The following THSD4 variants were observed in gnomAD, a reference collection of about 807,000 sequenced individuals.
THSD4 encodes thrombospondin type-1 domain-containing protein 4.
A neutral mutation model predicts 119.0 loss-of-function variants in THSD4; 69 were observed. The observed-to-expected ratio is 0.58, with a 90% CI of 0.48 to 0.71. The LOEUF is 0.71. Among genes scored for constraint, THSD4 ranks in the 30% least tolerant of loss-of-function variants. The probability of loss-of-function intolerance (pLI) is 0.00; values close to 1 mark genes in which losing one functional copy is unlikely to be tolerated. For missense variants in THSD4, 1,393 were observed against 1,391.1 expected, an observed-to-expected ratio of 1.00 and a Z score of -0.02; for synonymous variants, 524 against 540.4, an observed-to-expected ratio of 0.97 and a Z score of 0.42.
chr15:71,581,220 C>T (rs1951901205), intron 7 of THSD4, among the ~76,000 whole-genome samples: 1 of 152,130 alleles, frequency 6.6e-6, no homozygotes, highest in African/African-American at 2.4e-5. Context: ...CTCACCAACA[C>T]TTAATCTTTT....
chr15:71,482,555 G>A (rs2047749818), intron 7 of THSD4, among the ~76,000 whole-genome samples: 1 of 151,634 alleles, frequency 6.6e-6, no homozygotes, highest in Non-Finnish European at 1.5e-5. Context: ...CTCCCAAAGT[G>A]CTGGGATTAT....
At chr15:71,310,416 C>T (rs758196060) in intron 6 of THSD4, among the ~76,000 whole-genome samples, 4 of 152,090 alleles carry the variant, frequency 2.6e-5, no homozygotes, top group Admixed American at 6.5e-5. Context: ...CCCTTCAGAA[C>T]GAAGACCTAA....
At chr15:71,534,665 G>T (rs959514596) in intron 7 of THSD4, among the ~76,000 whole-genome samples, 13 of 151,838 alleles carry the variant, frequency 8.6e-5, no homozygotes, top group Non-Finnish European at 2.9e-5. Context: ...GGCATTTTAT[G>T]GCCTACTTTT....
chr15:71,592,740 G>C (rs1369985769), intron 7 of THSD4, among the ~76,000 whole-genome samples: 2 of 152,046 alleles, frequency 1.3e-5, no homozygotes, highest in Admixed American at 1.3e-4. Context: ...TCTAGGTTGA[G>C]AACAGCATGC....
intron 7 of THSD4, among the ~76,000 whole-genome samples, chr15:71,651,702 A>G (rs1352963883): frequency 1.3e-5 from 2 of 152,202 alleles, no homozygotes; most frequent in African/African-American, 4.8e-5. Context: ...TGCCTTAACA[A>G]CATGGCAGAA....
chr15:71,330,076 C>T (rs989350039), intron 6 of THSD4, among the ~76,000 whole-genome samples: 12 of 148,778 alleles, frequency 8.1e-5, no homozygotes, highest in Non-Finnish European at 1.6e-4. Flanking sequence ...AGCAAGACCT[C>T]GTCTCCAAAG....
At position 71,580,199 on chromosome 15, in the gene THSD4, A is replaced by G. The variant is rs140053624; in HGVS notation, c.1153-80331A>G. ...ATGGGCATGGTGACCTGCGAGCTGG[A>G]CTTGAAACGCTAGAGAGATATGGAG... is the stretch of plus-strand genomic sequence containing the variant. On this transcript the variant is annotated intron_variant, in intron 7 of 17. Coordinates refer to ENST00000261862, the MANE Select transcript of THSD4 (RefSeq NM_024817.3). 6.6e-3 allele frequency among the ~76,000 whole-genome samples: 1,000 copies of G among 152,230 alleles called. 7 individuals are homozygous for G. The highest frequency in any genetic ancestry group is 0.01 in the Non-Finnish European group (687 of 68,006).
At chr15:71,731,959 T>A (rs1367965545) in intron 10 of THSD4, 5 of 152,382 alleles carry the variant, frequency 3.3e-5, no homozygotes, top group African/African-American at 1.2e-4. Context: ...CCTGCCTTCC[T>A]TGGTTCCTGG....
intron 1 of THSD4, among the ~76,000 whole-genome samples, chr15:71,123,836 C>T (rs755685948): frequency 9.9e-5 from 15 of 152,220 alleles, no homozygotes; most frequent in Non-Finnish European, 2.1e-4. Flanking sequence ...TCAGATCTCT[C>T]ATAATTCAGA....
rs1192366482 is a variant in THSD4 at position 71,420,803 on chromosome 15, T to A, written c.1152+8980T>A. Among the ~76,000 whole-genome samples the A allele has an allele frequency of 6.5e-5, 7 of 107,288 alleles. 3 individuals are homozygous for A. Among genetic ancestry groups the A allele is most frequent in the Non-Finnish European group, 1.4e-4 (7 of 49,184 alleles). 70.4% of individuals were successfully genotyped at this position (107,288 alleles called of 152,430 possible). ...CCTTGCTTTTTAACATTTTGTTGTT[T>A]CTATTTATATCTTATTGTACTGTCT... is the stretch of plus-strand genomic sequence containing the variant. On this transcript the variant is annotated intron_variant, in intron 7 of 17. Coordinates refer to ENST00000261862, the MANE Select transcript of THSD4 (RefSeq NM_024817.3).
intron 14 of THSD4, among the ~76,000 whole-genome samples, chr15:71,752,675 G>GT (rs1351738778): frequency 4.6e-5 from 7 of 152,304 alleles, no homozygotes; most frequent in South Asian, 2.1e-4. Context: ...CCGAGCTTCA[G>GT]TTTTTTCAAC....
chr15:71,505,754 A>G (rs2048176066), intron 7 of THSD4, among the ~76,000 whole-genome samples: 1 of 152,196 alleles, frequency 6.6e-6, no homozygotes, highest in African/African-American at 2.4e-5. Context: ...TGCAACAGGA[A>G]AGTCCTGTAA....
intron 7 of THSD4, among the ~76,000 whole-genome samples, chr15:71,445,986 G>A (rs1482563162): frequency 6.6e-6 from 1 of 152,194 alleles, no homozygotes; most frequent in African/African-American, 2.4e-5. Context: ...TTGTCTAACA[G>A]GGACTTCAAA....
At chr15:71,719,122 C>T (rs2052666156) in intron 8 of THSD4, among the ~76,000 whole-genome samples, 1 of 152,154 alleles carries the variant, frequency 6.6e-6, no homozygotes, top group Non-Finnish European at 1.5e-5. Context: ...ATAAATCAAA[C>T]CTTCTAACAT....
chr15:71,546,333 A>G (rs1471875429), intron 7 of THSD4, among the ~76,000 whole-genome samples: 1 of 152,030 alleles, frequency 6.6e-6, no homozygotes, highest in Admixed American at 6.6e-5. Flanking sequence ...GGCAGAATAC[A>G]GTACTTGATG....
chr15:71,725,776 G>A (rs2052822794), intron 8 of THSD4, among the ~76,000 whole-genome samples: 1 of 152,060 alleles, frequency 6.6e-6, no homozygotes, highest in African/African-American at 2.4e-5. Context: ...TGGGAAGTGA[G>A]AAAATGGTAG....
Position 71,222,073 on chromosome 15 carries a change from C to T in THSD4, c.464+6674C>T, listed in dbSNP as rs571425225. Among the ~76,000 whole-genome samples, 4 of 151,952 alleles carry T rather than the reference C, an allele frequency of 2.6e-5. No individual in the cohort carries two copies. The South Asian group carries it at 8.3e-4, about 32-fold the overall frequency. On this transcript the variant is annotated intron_variant, in intron 4 of 17. Coordinates refer to ENST00000261862, the MANE Select transcript of THSD4 (RefSeq NM_024817.3). ...GAAAAATGCCTGTTGGAAAAAAAGTCCTTTGAAGACCTTCCCTTTTATAAC... is the reference window on the plus strand; with the variant it reads ...GAAAAATGCCTGTTGGAAAAAAAGTTCTTTGAAGACCTTCCCTTTTATAAC...
At chr15:71,385,882 A>C (rs2046288416) in intron 6 of THSD4, among the ~76,000 whole-genome samples, 1 of 152,202 alleles carries the variant, frequency 6.6e-6, no homozygotes, top group African/African-American at 2.4e-5. Context: ...AAAGCTGCTG[A>C]TGTTCATGCT....
At chr15:71,306,825 G>C (rs1430264279) in intron 6 of THSD4, among the ~76,000 whole-genome samples, 2 of 152,164 alleles carry the variant, frequency 1.3e-5, no homozygotes, top group African/African-American at 2.4e-5. Flanking sequence ...ACATATTATA[G>C]ACCCCTGTAT....
Sources: gnomAD v4.1 joint callset for allele counts (sites outside exome capture counted in the v4.1 genomes callset) on GRCh38, gnomAD v4.1.1 for gene constraint, MANE v1.5 for transcripts, NCBI Gene and HGNC (gene_info 2026-07-23, HGNC 2026-07-21) for gene names.